BBS9: variants seen among roughly 807,000 people sequenced by gnomAD.
The protein encoded by BBS9 is protein PTHB1.
In BBS9, 89 loss-of-function variants were observed where a neutral mutation model predicts 117.7. The ratio of observed to expected loss-of-function variants is 0.76; its 90% CI spans 0.64 to 0.90. BBS9 has a LOEUF of 0.90. Among genes scored for constraint, BBS9 ranks in the 40% least tolerant of loss-of-function variants. The pLI is 0.00. For missense variants in BBS9, 982 were observed against 1,042.2 expected, an observed-to-expected ratio of 0.94 and a Z score of 0.80; for synonymous variants, 379 against 370.9, an observed-to-expected ratio of 1.02 and a Z score of -0.25.
chr7:33,431,807 T>A (rs1159950759), intron 19 of BBS9, among the ~76,000 whole-genome samples: 1 of 152,184 alleles, frequency 6.6e-6, no homozygotes, highest in African/African-American at 2.4e-5. Flanking sequence ...TTAATGGAAA[T>A]TACTCCTGAT....
chr7:33,346,203 C>T, intron 12 of BBS9: 3 of 465,662 alleles, frequency 6.4e-6, no homozygotes, highest in Non-Finnish European at 1.3e-5. Flanking sequence ...ATAAATCTCT[C>T]CTTATGACCT....
At chr7:33,508,492 C>T (rs917218243) in intron 20 of BBS9, among the ~76,000 whole-genome samples, 2 of 152,306 alleles carry the variant, frequency 1.3e-5, no homozygotes, top group East Asian at 3.9e-4. Context: ...TTTGAGTCTC[C>T]CTGAACCCCT....
At chr7:33,144,437 G>A (rs1237933307) in intron 1 of BBS9, among the ~76,000 whole-genome samples, 1 of 152,208 alleles carries the variant, frequency 6.6e-6, no homozygotes, top group East Asian at 1.9e-4. Flanking sequence ...CGATGCTTTT[G>A]TGGTCATTTG....
chr7:33,282,753 T>A (rs528615542), intron 9 of BBS9, among the ~76,000 whole-genome samples: 1 of 152,328 alleles, frequency 6.6e-6, no homozygotes, highest in South Asian at 2.1e-4. Context: ...ATGAATTTTT[T>A]ATAAATGTTT....
intron 9 of BBS9, among the ~76,000 whole-genome samples, chr7:33,284,152 C>T (rs952263614): frequency 5.9e-5 from 9 of 152,166 alleles, no homozygotes; most frequent in Admixed American, 3.9e-4. Flanking sequence ...CTCTCTCTTC[C>T]GCTTGAAGTC....
rs531258324 is a variant in BBS9 at position 33,316,927 on chromosome 7, C to G, written c.1017-19514C>G. Among the ~76,000 whole-genome samples the G allele has an allele frequency of 4.6e-4, 70 of 152,218 alleles. 1 individual carries two copies. The highest frequency in any genetic ancestry group is 1.5e-3 in the African/African-American group (63 of 41,556). On this transcript the variant is annotated intron_variant, in intron 9 of 22. Coordinates refer to ENST00000242067, the MANE Select transcript of BBS9 (RefSeq NM_198428.3). ...CTTTAAGGTTTTTGCTTTCTGCATCCTAAGAAATCTTTATCTATTACAGGT... is the reference window on the plus strand; with the variant it reads ...CTTTAAGGTTTTTGCTTTCTGCATCGTAAGAAATCTTTATCTATTACAGGT...
In BBS9 at chr7:33,315,552, G is replaced by A. The variant is rs184912161; in HGVS notation, c.1017-20889G>A. Among the ~76,000 whole-genome samples, 146 of 152,200 alleles carry A rather than the reference G, an allele frequency of 9.6e-4. No homozygotes were observed. The South Asian group carries it at 0.016, about 16-fold the overall frequency. ...TGTAAAGTCTCATTACAAGGACAGC[G>A]AATACCTAGAGGAGACCATTTTGGT... On this transcript the variant is annotated intron_variant, in intron 9 of 22. Transcript: ENST00000242067.
chr7:33,588,764 G>T (rs1485806324), intron 21 of BBS9, among the ~76,000 whole-genome samples: 1 of 152,116 alleles, frequency 6.6e-6, no homozygotes, highest in East Asian at 1.9e-4. Context: ...CTTGAAGAAG[G>T]TGAGGGAATT....
intron 20 of BBS9, among the ~76,000 whole-genome samples, chr7:33,517,993 A>G (rs574253895): frequency 2.0e-5 from 3 of 152,340 alleles, no homozygotes; most frequent in South Asian, 2.1e-4. Context: ...CTTGCTTCAT[A>G]TAACACTAAA....
intron 20 of BBS9, among the ~76,000 whole-genome samples, chr7:33,515,390 C>T (rs1563285915): frequency 6.6e-6 from 1 of 152,152 alleles, no homozygotes; most frequent in Non-Finnish European, 1.5e-5. Context: ...AGCATTGTCC[C>T]TCCCGTGTAC....
intron 19 of BBS9, among the ~76,000 whole-genome samples, chr7:33,452,918 T>C (rs1462513488): frequency 6.6e-6 from 1 of 152,200 alleles, no homozygotes; most frequent in African/African-American, 2.4e-5. Flanking sequence ...TAATCAAATA[T>C]AGCAATTGAT....
intron 9 of BBS9, among the ~76,000 whole-genome samples, chr7:33,312,097 G>C (rs1226765811): frequency 1.3e-5 from 2 of 152,198 alleles, no homozygotes; most frequent in Non-Finnish European, 2.9e-5. Context: ...TGTTCCTGCT[G>C]CTCCTCCACC....
intron 4 of BBS9, among the ~76,000 whole-genome samples, chr7:33,161,589 A>G (rs1488819429): frequency 6.6e-6 from 1 of 152,182 alleles, no homozygotes; most frequent in Non-Finnish European, 1.5e-5. Context: ...ATACGTATAC[A>G]TGTGTCTTTA....
chr7:33,153,250 T>C (rs1033071150), intron 3 of BBS9, among the ~76,000 whole-genome samples: 1 of 152,232 alleles, frequency 6.6e-6, no homozygotes, highest in Non-Finnish European at 1.5e-5. Context: ...TGAATAGTTA[T>C]TTGGGGTAGA....
Position 33,257,493 on chromosome 7 carries a change from A to G in BBS9, c.617+83A>G, listed in dbSNP as rs1048522527. 1.1e-4 allele frequency: 135 copies of G among 1,221,086 alleles called. 1 individual carries two copies. The highest frequency in any genetic ancestry group is 2.0e-4 in the Middle Eastern group (1 of 4,998). 75.6% of individuals were successfully genotyped at this position (1,221,086 alleles called of 1,614,324 possible). ...TAATTTTTGTCCACAAAGAGCTTCA[A>G]TATCACAAATGAAAAAGAGATCGGT... On this transcript the variant is annotated intron_variant, in intron 6 of 22. Transcript: ENST00000242067.
chr7:33,278,616 A>C (rs756878671), intron 9 of BBS9, among the ~76,000 whole-genome samples: 3 of 152,192 alleles, frequency 2.0e-5, no homozygotes, highest in Non-Finnish European at 4.4e-5. Context: ...TGATGAAGGC[A>C]AACAGATTTT....
intron 21 of BBS9, among the ~76,000 whole-genome samples, chr7:33,588,926 G>A (rs1298932264): frequency 6.6e-6 from 1 of 152,118 alleles, no homozygotes; most frequent in Non-Finnish European, 1.5e-5. Context: ...ACCAGATCAT[G>A]TGCAGCCTTT....
At chr7:33,409,506 G>A (rs1021648900) in intron 19 of BBS9, among the ~76,000 whole-genome samples, 3 of 152,022 alleles carry the variant, frequency 2.0e-5, no homozygotes, top group East Asian at 1.9e-4. Flanking sequence ...ATCTTCTATT[G>A]GTCTATGTGT....
intron 21 of BBS9, among the ~76,000 whole-genome samples, chr7:33,629,274 C>A (rs184235493): frequency 6.6e-6 from 1 of 152,200 alleles, no homozygotes; most frequent in Non-Finnish European, 1.5e-5. Context: ...CAAAGAATGT[C>A]ATTTACATAA....
Sources: allele counts gnomAD v4.1 joint callset (sites outside exome capture counted in the v4.1 genomes callset), GRCh38; gene constraint gnomAD v4.1.1; transcripts MANE v1.5; gene names NCBI Gene and HGNC (gene_info 2026-07-23, HGNC 2026-07-21).